The following CACNA1A variants were observed in gnomAD, a reference collection of about 807,000 sequenced individuals.
CACNA1A encodes calcium voltage-gated channel subunit alpha1 A.
A neutral mutation model predicts 262.4 loss-of-function variants in CACNA1A; 57 were observed. The observed-to-expected ratio is 0.22, with a 90% CI of 0.18 to 0.27. The LOEUF is 0.27. CACNA1A is among the 10% of genes least tolerant of loss of function. The pLI is 1.00. For missense variants in CACNA1A, 2,526 were observed against 3,562.8 expected (o/e 0.71, Z 7.41); for synonymous variants, 1,431 against 1,419.3 (o/e 1.01, Z -0.18).
chr19:13,458,871 C>T (rs376728311), intron 1 of CACNA1A, among the ~76,000 whole-genome samples: 10 of 152,190 alleles, frequency 6.6e-5, no homozygotes, highest in Non-Finnish European at 1.2e-4. Flanking sequence ...GAGGTGTAAG[C>T]GCTGGAGAAG....
chr19:13,403,118 G>T (rs1458477995), intron 3 of CACNA1A, among the ~76,000 whole-genome samples: 2 of 151,446 alleles, frequency 1.3e-5, no homozygotes, highest in African/African-American at 2.4e-5. Context: ...CGACTTTACT[G>T]ATTTTCCCAC....
chr19:13,257,735 A>C, intron 27 of CACNA1A, 184 bp from the exon 28 acceptor site: 1 of 445,026 alleles, frequency 2.2e-6, no homozygotes, highest in East Asian at 3.4e-5. Context: ...GTTATTTCTT[A>C]ATTTTAATTT....
chr19:13,440,506 T>C (rs1599460823), intron 3 of CACNA1A, among the ~76,000 whole-genome samples: 1 of 152,344 alleles, frequency 6.6e-6, no homozygotes, highest in South Asian at 2.1e-4. Flanking sequence ...TAATAATTAT[T>C]ATCATCATTA....
chr19:13,242,267 C>G (rs1472147665), intron 31 of CACNA1A, among the ~76,000 whole-genome samples: 3 of 152,136 alleles, frequency 2.0e-5, no homozygotes, highest in Non-Finnish European at 4.4e-5. Context: ...GGTTCTGTGC[C>G]AAGCACTTCA....
intron 1 of CACNA1A, among the ~76,000 whole-genome samples, chr19:13,475,640 A>G (rs1426103635): frequency 6.6e-6 from 1 of 152,220 alleles, no homozygotes. Context: ...AAAGTAAAGC[A>G]GCTTTGAAGG....
intron 6 of CACNA1A, among the ~76,000 whole-genome samples, chr19:13,356,025 T>C (rs1436232659): frequency 6.6e-6 from 1 of 152,158 alleles, no homozygotes; most frequent in African/African-American, 2.4e-5. Context: ...TTGCATGGGC[T>C]GCTAACCAAA....
rs1186831509 is a variant in CACNA1A, at chr19:13,228,740, G to C, written c.5529-1213C>G. 2 of 1,602,634 alleles carry C rather than the reference G, an allele frequency of 1.2e-6. No individual in the cohort carries two copies. Among genetic ancestry groups the C allele is most frequent in the Non-Finnish European group, 1.7e-6 (2 of 1,174,662 alleles). On this transcript the variant is annotated intron_variant, in intron 36 of 46. Transcript: ENST00000360228. ...TGAGGACATTTCTTGCCTAAGCCGA[G>C]AGGGGGAGATATTACTCGTAATAAA...
chr19:13,220,498 G>A (rs2055181241), intron 38 of CACNA1A, among the ~76,000 whole-genome samples: 1 of 152,118 alleles, frequency 6.6e-6, no homozygotes. Flanking sequence ...CTTCAATTCT[G>A]CCAACACCTG....
intron 10 of CACNA1A, among the ~76,000 whole-genome samples, chr19:13,319,904 A>G (rs2058212540): frequency 3.3e-5 from 5 of 152,182 alleles, no homozygotes; most frequent in Admixed American, 3.3e-4. Context: ...AAGATGTGTC[A>G]AGATGGTTCA....
Position 13,452,867 on chromosome 19 carries a change from GC to G in CACNA1A, c.539+8del. 6.2e-7 allele frequency: 1 copy of G among 1,612,558 alleles called. No homozygotes were observed. The highest frequency in any genetic ancestry group is 8.5e-7 in the Non-Finnish European group (1 of 1,178,960). ...GTTAAATCCAAAGCGTATAGCACGC[GC>G]CACTTACCCCGTTAGCACCACCACA... is the stretch of plus-strand genomic sequence containing the variant. On this transcript the variant is annotated splice_region_variant and intron_variant, in intron 3 of 46. Coordinates refer to ENST00000360228, the MANE Select transcript of CACNA1A (RefSeq NM_001127222.2).
intron 3 of CACNA1A, among the ~76,000 whole-genome samples, chr19:13,434,404 T>C (rs56229217): frequency 0.095 from 14,405 of 152,172 alleles, 1,212 homozygotes; most frequent in East Asian, 0.22. Context: ...GCCATTACTT[T>C]TAATGTACTT....
At chr19:13,498,678 T>G (rs1241553062) in intron 1 of CACNA1A, among the ~76,000 whole-genome samples, 1 of 152,204 alleles carries the variant, frequency 6.6e-6, no homozygotes, top group Non-Finnish European at 1.5e-5. Context: ...TTGTATTAGC[T>G]GCCTTAAAGA....
intron 38 of CACNA1A, among the ~76,000 whole-genome samples, chr19:13,216,387 G>C (rs1037576641): frequency 8.5e-5 from 13 of 152,084 alleles, no homozygotes; most frequent in African/African-American, 3.1e-4. Context: ...ACTCAGGCTG[G>C]AGTGCAATGG....
chr19:13,393,342 G>C (rs541820106), intron 3 of CACNA1A, among the ~76,000 whole-genome samples: 2 of 152,158 alleles, frequency 1.3e-5, no homozygotes, highest in South Asian at 4.1e-4. Context: ...ACAACGTCAA[G>C]GGAAAGAAGT....
In CACNA1A at chr19:13,207,482, G is replaced by A. The variant is rs1353338465; in HGVS notation, c.7352C>T (p.Ser2451Leu). 4.2e-6 allele frequency: 6 copies of A among 1,440,000 alleles called. No homozygotes were observed. The highest frequency in any genetic ancestry group is 5.4e-6 in the Non-Finnish European group (6 of 1,103,174). 89.2% of individuals were successfully genotyped at this position (1,440,000 alleles called of 1,614,324 possible). A position where few individuals can be genotyped will look rare whatever the true frequency, so the allele number is the denominator to read the frequency against. Residue 2451 changes from serine to leucine, a missense_variant, in exon 47 of 47, where the codon TCG becomes TTG. By Grantham distance (145) the Ser-to-Leu change is moderately radical (BLOSUM62 -2). Coordinates refer to ENST00000360228, the MANE Select transcript of CACNA1A (RefSeq NM_001127222.2). The surrounding 1 kb of genome is among the most constrained non-coding windows in gnomAD (Gnocchi z 5.7). ...RHASSGATGR[S>L]PRTPRASGPA... ...GCCCGAGGCCCGGGGAGTCCTGGGC[G>A]AGCGCCCGGTGGCGCCCGAGGACGC...
intron 22 of CACNA1A, among the ~76,000 whole-genome samples, chr19:13,281,753 G>A (rs766747340): frequency 4.6e-5 from 7 of 152,244 alleles, no homozygotes; most frequent in Middle Eastern, 3.2e-3. Context: ...TGGTTACGTG[G>A]TGTGAACGTT....
intron 30 of CACNA1A, chr19:13,245,600 T>C (rs539426846): frequency 3.5e-6 from 1 of 282,102 alleles, no homozygotes; most frequent in African/African-American, 2.2e-5. Context: ...GCTTTATAAA[T>C]GACATCACTG....
chr19:13,353,179 T>C (rs936021581), intron 6 of CACNA1A, among the ~76,000 whole-genome samples: 1 of 152,178 alleles, frequency 6.6e-6, no homozygotes. Context: ...AGTGGCGTGA[T>C]CACGGCTTAT....
At chr19:13,371,596 G>T in intron 4 of CACNA1A, 92 bp downstream of exon 4, 1 of 875,620 alleles carries the variant, frequency 1.1e-6, no homozygotes, top group Middle Eastern at 2.8e-4. Flanking sequence ...CTGGTGGCAG[G>T]ATGTGGCCTC....
Sources: allele counts gnomAD v4.1 joint callset (sites outside exome capture counted in the v4.1 genomes callset), GRCh38; gene constraint gnomAD v4.1.1; non-coding constraint Gnocchi (gnomAD v3.1); transcripts MANE v1.5; gene names NCBI Gene and HGNC (gene_info 2026-07-23, HGNC 2026-07-21).